SAXO2: variants seen among roughly 807,000 people sequenced by gnomAD.
SAXO2 encodes the protein stabilizer of axonemal microtubules 2.
A neutral mutation model predicts 18.7 loss-of-function variants in SAXO2; 17 were observed. The observed-to-expected ratio is 0.91, with a 90% confidence interval of 0.62 to 1.36. The LOEUF (loss-of-function observed/expected upper bound fraction) is 1.36, where lower values mean the gene tolerates loss of function less well. Ranked by LOEUF, SAXO2 falls within the 40% of genes most tolerant of loss-of-function variation. The pLI, the probability that SAXO2 is intolerant of heterozygous loss-of-function variation, is 0.00. For missense variants in SAXO2, 486 were observed against 562.6 expected, an observed-to-expected ratio of 0.86 and a Z score of 1.38; for synonymous variants, 163 against 181.2, an observed-to-expected ratio of 0.90 and a Z score of 0.81.
At chr15:82,263,035 C>T in intron 1 of SAXO2, 103 bp downstream of exon 1, 1 of 1,534,468 alleles carries the variant, frequency 6.5e-7, no homozygotes. Flanking sequence ...GGCCGTCCCC[C>T]GGAGATGAAG....
chr15:82,282,691 A>C lies in SAXO2; in HGVS notation c.1006A>C (p.Asn336His). The C allele has an allele frequency of 6.2e-7, 1 of 1,614,158 alleles. No individual in the cohort carries two copies. The highest frequency in any genetic ancestry group is 8.5e-7 in the Non-Finnish European group (1 of 1,180,028). Residue 336 changes from asparagine (N) to histidine (H), a missense_variant, in exon 4 of 4, where the codon AAT becomes CAT. By Grantham distance (68) the Asn-to-His change is moderately conservative. Coordinates refer to ENST00000682753, the MANE Select transcript of SAXO2 (RefSeq NM_001348699.2). ...IRPVSQKRSN[N>H]FPFQGKSIMK... The stretch of plus-strand genomic sequence containing the variant: ...GCCAGTTTCTCAAAAAAGAAGTAAC[A>C]ATTTTCCTTTCCAAGGAAAAAGCAT...
chr15:82,270,593 A>AC (rs1446152102), intron 2 of SAXO2, among the ~76,000 whole-genome samples: 1 of 152,220 alleles, frequency 6.6e-6, no homozygotes, highest in Admixed American at 6.5e-5. Context: ...GAACTTACAG[A>AC]CATACGCAGC....
chr15:82,271,711 G>C lies in SAXO2; in HGVS notation c.342G>C (p.Leu114Phe). Residue 114 changes from leucine to phenylalanine, a missense_variant, in exon 3 of 4, where the codon TTG becomes TTC. Leu to Phe is a conservative substitution (Grantham distance 22). Transcript: ENST00000682753. Reference protein sequence around the residue: ...IDLGTTYKRDLNSYKVQPVAI... With the variant: ...IDLGTTYKRDFNSYKVQPVAI... The stretch of plus-strand genomic sequence containing the variant: ...TTGGTACTACCTACAAACGGGATTT[G>C]AATTCGTATAAAGTGCAGCCTGTGG... 1.2e-6 allele frequency: 2 copies of C among 1,614,120 alleles called. No individual in the cohort carries two copies. Among genetic ancestry groups the C allele is most frequent in the Admixed American group, 3.3e-5 (2 of 60,014 alleles).
At chr15:82,273,743 T>A (rs7165536) in intron 3 of SAXO2, among the ~76,000 whole-genome samples, 29,976 of 151,902 alleles carry the variant, frequency 0.2, 3,417 homozygotes, top group Non-Finnish European at 0.26. Flanking sequence ...TGTTCTTTTT[T>A]TGTTTGTTTT....
intron 1 of SAXO2, 32 bp downstream of exon 1, chr15:82,262,964 G>A: frequency 6.3e-7 from 1 of 1,582,002 alleles, no homozygotes; most frequent in Non-Finnish European, 8.6e-7. Flanking sequence ...GGCGGGCCCG[G>A]GCTTGGGAGC....
At chr15:82,271,950 A>AT (rs1198103106) in intron 3 of SAXO2, 148 bp downstream of exon 3, 9 of 652,410 alleles carry the variant, frequency 1.4e-5, no homozygotes, top group Non-Finnish European at 2.4e-5. Context: ...GCAAAATAGT[A>AT]TTGTATAGTA....
chr15:82,263,163 G>A, intron 1 of SAXO2: 3 of 1,453,588 alleles, frequency 2.1e-6, no homozygotes, highest in Non-Finnish European at 2.7e-6. Flanking sequence ...AATCAAGGAT[G>A]CAAAGTAAAA....
chr15:82,283,196 A>C lies in SAXO2; in HGVS notation c.*134A>C. The C allele has an allele frequency of 1.8e-6, 1 of 554,504 alleles. No homozygotes were observed. The highest frequency in any genetic ancestry group is 2.8e-6 in the Non-Finnish European group (1 of 357,526). 34.3% of individuals were successfully genotyped at this position (554,504 alleles called of 1,614,324 possible). A position where few individuals can be genotyped will look rare whatever the true frequency, so the allele number is the denominator to read the frequency against. On this transcript the variant is annotated 3_prime_UTR_variant, in exon 4 of 4. Transcript: ENST00000682753. The stretch of plus-strand genomic sequence containing the variant: ...TTTTTAAACAAGAAAATTGGAAAAT[A>C]TATTATAAGAAATCAGAATCTTAAA...
chr15:82,279,324 A>G (rs1264336354), intron 3 of SAXO2, among the ~76,000 whole-genome samples: 2 of 152,186 alleles, frequency 1.3e-5, no homozygotes, highest in Non-Finnish European at 2.9e-5. Flanking sequence ...TTAGAAGGTA[A>G]TATCAACAGT....
At chr15:82,264,789 A>G in intron 1 of SAXO2, 1 of 696,496 alleles carries the variant, frequency 1.4e-6, no homozygotes, top group Non-Finnish European at 2.6e-6. Flanking sequence ...TTAGGAAACC[A>G]GCTTGCAAAT....
intron 3 of SAXO2, among the ~76,000 whole-genome samples, chr15:82,274,606 G>A (rs1447074721): frequency 6.6e-6 from 1 of 151,712 alleles, no homozygotes; most frequent in Non-Finnish European, 1.5e-5. Flanking sequence ...AGGAGGCTGA[G>A]GCAGGAGAAT....
At chr15:82,275,281 CAAAAAAAAAAAA>C (rs756023248) in intron 3 of SAXO2, among the ~76,000 whole-genome samples, 4 of 45,906 alleles carry the variant, frequency 8.7e-5, no homozygotes, top group African/African-American at 1.8e-4. Context: ...ACCTATCAAC[CAAAAAAAAAAAA>C]AAAAAAAAAA....
In SAXO2 at chr15:82,268,596, A is replaced by G. The variant is rs773709495; in HGVS notation, c.233+2848A>G. ...TGGCTGTGTTGACTAGGCAGTAGAA[A>G]GTGGATTTATCTGTACAAACAAAGA... On this transcript the variant is annotated intron_variant, in intron 2 of 3. Coordinates refer to ENST00000682753, the MANE Select transcript of SAXO2 (RefSeq NM_001348699.2). Among the ~76,000 whole-genome samples the G allele has an allele frequency of 3.3e-5, 5 of 152,222 alleles. No individual in the cohort carries two copies. In the East Asian group the frequency reaches 9.6e-4, roughly 29 times the overall value.
chr15:82,269,052 T>C (rs2075246075), intron 2 of SAXO2, among the ~76,000 whole-genome samples: 1 of 152,214 alleles, frequency 6.6e-6, no homozygotes, highest in Non-Finnish European at 1.5e-5. Context: ...TGATTTCTAC[T>C]ACTCTTCATC....
intron 2 of SAXO2, among the ~76,000 whole-genome samples, chr15:82,269,492 A>AAGACC (rs1364270960): frequency 6.6e-6 from 1 of 152,214 alleles, no homozygotes; most frequent in East Asian, 1.9e-4. Flanking sequence ...GCTAGTGAAG[A>AAGACC]AGACCAGGCA....
In SAXO2 at chr15:82,262,907, T is replaced by A. The variant is rs773408685; in HGVS notation, c.28T>A (p.Cys10Ser). 3 of 1,604,196 alleles carry A rather than the reference T, an allele frequency of 1.9e-6. No individual in the cohort carries two copies. The highest frequency in any genetic ancestry group is 2.6e-6 in the Non-Finnish European group (3 of 1,175,354). The stretch of plus-strand genomic sequence containing the variant: ...GGGAGCCAAGAGTATGAGGAGCTGG[T>A]GTCTGTGTCAGATTTGTAGCTGCGG... Reference protein sequence around the residue: MGAKSMRSWCLCQICSCGRH... With the variant: MGAKSMRSWSLCQICSCGRH... The change falls in exon 1 of 4, where the codon TGT becomes AGT. Residue 10 changes from cysteine (C) to serine (S), a missense_variant. Coordinates refer to ENST00000682753, the MANE Select transcript of SAXO2 (RefSeq NM_001348699.2).
chr15:82,266,602 A>G (rs2075220708), intron 2 of SAXO2, among the ~76,000 whole-genome samples: 1 of 152,124 alleles, frequency 6.6e-6, no homozygotes, highest in Admixed American at 6.5e-5. Context: ...GAGTCTTCCA[A>G]GATACTGTTT....
chr15:82,278,973 C>G (rs188739109), intron 3 of SAXO2, among the ~76,000 whole-genome samples: 1 of 152,176 alleles, frequency 6.6e-6, no homozygotes, highest in East Asian at 1.9e-4. Flanking sequence ...AATCAATAGT[C>G]TAAACCTTCA....
rs1277245848 is a variant in SAXO2 at position 82,279,227 on chromosome 15, CTCT to C, written c.434-2887_434-2885del. ...ATAGACGTTTATTTTACATTGTGGCCTCTTCTTTTTTCTTTTTCTTATTTTTGA... is the reference window on the plus strand; with the variant it reads ...ATAGACGTTTATTTTACATTGTGGCCTCTTTTTTCTTTTTCTTATTTTTGA... On this transcript the variant is annotated intron_variant, in intron 3 of 3. Transcript: ENST00000682753. Among the ~76,000 whole-genome samples, 12 of 152,242 alleles carry C rather than the reference CTCT, an allele frequency of 7.9e-5. 1 individual carries two copies. The Middle Eastern group carries it at 0.017, about 216-fold the overall frequency.
Sources: allele counts gnomAD v4.1 joint callset (sites outside exome capture counted in the v4.1 genomes callset), GRCh38; gene constraint gnomAD v4.1.1; transcripts MANE v1.5; gene names NCBI Gene and HGNC (gene_info 2026-07-23, HGNC 2026-07-21).